Variants in FRMD7 observed in about 807,000 individuals in gnomAD.
FRMD7 encodes the protein FERM domain containing 7, also known as FERM domain-containing protein 7.
In FRMD7, 14 loss-of-function variants were observed where a neutral mutation model predicts 44.1. The ratio of observed to expected loss-of-function variants is 0.32; its 90% CI spans 0.21 to 0.50. The LOEUF (loss-of-function observed/expected upper bound fraction) is 0.50. Among genes scored for constraint, FRMD7 ranks in the 20% least tolerant of loss-of-function variants. FRMD7 has a pLI of 0.99. For synonymous variants in FRMD7, 212 were observed against 187.4 expected (o/e 1.13, Z -1.07); for missense variants, 501 against 522.3 (o/e 0.96, Z 0.40).
chrX:132,099,565 T>C, intron 2 of FRMD7, 55 bp from the exon 3 acceptor site: 1 of 872,790 alleles, frequency 1.1e-6, no homozygotes, highest in Non-Finnish European at 1.7e-6. Context: ...CAGAGCTTTT[T>C]TTTTTTCGGT....
At chrX:132,115,408 A>G (rs1304995634) in intron 1 of FRMD7, among the ~76,000 whole-genome samples, 1 of 112,878 alleles carries the variant, frequency 8.9e-6, no homozygotes, top group Non-Finnish European at 1.9e-5. Flanking sequence ...AGCCAAACCC[A>G]GGACATTTTT....
chrX:132,110,690 C>T (rs769308313), intron 1 of FRMD7, among the ~76,000 whole-genome samples: 34 of 112,358 alleles, frequency 3.0e-4, no homozygotes, highest in African/African-American at 1.1e-3. Context: ...ATTCTCCCCA[C>T]ACCAACCTAT....
At chrX:132,083,177 A>G (rs1463195185) in intron 8 of FRMD7, among the ~76,000 whole-genome samples, 2 of 111,373 alleles carry the variant, frequency 1.8e-5, no homozygotes, top group Non-Finnish European at 3.8e-5. Flanking sequence ...GTTGGTCTCA[A>G]ACTCCTGAAC....
intron 5 of FRMD7, among the ~76,000 whole-genome samples, chrX:132,092,286 T>C (rs1928201233): frequency 1.8e-5 from 2 of 111,403 alleles, no homozygotes; most frequent in African/African-American, 6.5e-5. Flanking sequence ...GACGAGAAGG[T>C]TGGAATGTGG....
chrX:132,111,771 T>C (rs1476814027), intron 1 of FRMD7, among the ~76,000 whole-genome samples: 1 of 112,073 alleles, frequency 8.9e-6, no homozygotes, highest in African/African-American at 3.2e-5. Flanking sequence ...TTGACACCAT[T>C]TAGTGCAATT....
chrX:132,108,072 A>C (rs1295790776), intron 1 of FRMD7, among the ~76,000 whole-genome samples: 1 of 111,928 alleles, frequency 8.9e-6, no homozygotes, highest in Non-Finnish European at 1.9e-5. Flanking sequence ...CTACCACTAG[A>C]AGAGTGATCG....
rs781519281 is a variant in FRMD7 at position 132,093,936 on chromosome X, C to G, written c.382+106G>C. The G allele has an allele frequency of 1.5e-4, 86 of 570,724 alleles. No homozygotes were observed. In the Admixed American group the frequency reaches 1.9e-3, roughly 13 times the overall value. The allele number at this position is 570,724 out of a possible 1,213,427, so 47.0% of individuals were successfully genotyped here. ...CTATCTTATCCAGGCTTTCTCTCCC[C>G]TGTAAACCCTAACACAGTGATGGGC... On this transcript the variant is annotated intron_variant, in intron 5 of 11. Transcript: ENST00000298542.
chrX:132,115,047 A>G (rs1928868735), intron 1 of FRMD7, among the ~76,000 whole-genome samples: 1 of 112,275 alleles, frequency 8.9e-6, no homozygotes, highest in African/African-American at 3.2e-5. Context: ...GTGATTCTCA[A>G]AGATTTGTTG....
At chrX:132,081,093 G>C (rs956139231) in intron 9 of FRMD7, among the ~76,000 whole-genome samples, 3 of 111,721 alleles carry the variant, frequency 2.7e-5, no homozygotes, top group Non-Finnish European at 5.6e-5. Flanking sequence ...CGAGCACTTT[G>C]GGAGGCCAAG....
At chrX:132,079,117 T>C (rs913547607) in intron 11 of FRMD7, 151 bp from the exon 12 acceptor site, 14 of 522,114 alleles carry the variant, frequency 2.7e-5, no homozygotes, top group South Asian at 1.9e-4. Flanking sequence ...GATAAATATA[T>C]AAAGAAAGGG....
rs781502273 is a variant in FRMD7 at position 132,078,302 on chromosome X, G to T, written c.1715C>A (p.Pro572Gln). Residue 572 changes from proline (P) to glutamine (Q), a missense_variant, in exon 12 of 12, where the codon CCA (proline) becomes CAA (glutamine). Coordinates refer to ENST00000298542, the MANE Select transcript of FRMD7 (RefSeq NM_194277.3). ...NINVGLEEEDPNLEDAFVCNI... is the reference protein window; with the variant it reads ...NINVGLEEEDQNLEDAFVCNI... The stretch of plus-strand genomic sequence containing the variant: ...ACATACAAATGCATCTTCCAAATTT[G>T]GGTCTTCCTCTTCTAGACCTACATT... The T allele has an allele frequency of 4.1e-6, 5 of 1,211,513 alleles. No individual in the cohort carries two copies. Among genetic ancestry groups the T allele is most frequent in the Non-Finnish European group, 5.6e-6 (5 of 895,159 alleles).
rs1248011845 is a variant in FRMD7, at chrX:132,094,269, G to A, written c.285-130C>T. 15 of 503,306 alleles carry A rather than the reference G, an allele frequency of 3.0e-5. No homozygotes were observed. In the Admixed American group the frequency reaches 4.1e-4, roughly 14 times the overall value. The allele number at this position is 503,306 out of a possible 1,213,427, so 41.5% of individuals were successfully genotyped here. On this transcript the variant is annotated intron_variant, in intron 4 of 11. Coordinates refer to ENST00000298542, the MANE Select transcript of FRMD7 (RefSeq NM_194277.3). ...CAGTCAGTCAGATGCCTTTTTGGGG[G>A]TGGTGAGTAATGCATAGGCTTTGCT...
At chrX:132,099,570 T>C in intron 2 of FRMD7, 60 bp from the exon 3 acceptor site, 1 of 831,464 alleles carries the variant, frequency 1.2e-6, no homozygotes, top group South Asian at 2.2e-5. Context: ...CTTTTTTTTT[T>C]TCGGTAATAG....
At position 132,085,742 on chromosome X, in the gene FRMD7, G is replaced by C; in HGVS notation, c.498-14C>G. 8.3e-7 allele frequency: 1 copy of C among 1,201,527 alleles called. No homozygotes were observed. Among genetic ancestry groups the C allele is most frequent in the Non-Finnish European group, 1.1e-6 (1 of 886,265 alleles). On this transcript the variant is annotated splice_polypyrimidine_tract_variant and intron_variant, in intron 6 of 11. Coordinates refer to ENST00000298542, the MANE Select transcript of FRMD7 (RefSeq NM_194277.3). ...GGGCTCCTGCCACTGAAAGGGGAAA[G>C]AATTTATGAGCCTAATAAATGCCTC...
intron 5 of FRMD7, among the ~76,000 whole-genome samples, chrX:132,089,238 A>T (rs1263964486): frequency 8.9e-6 from 1 of 112,126 alleles, no homozygotes; most frequent in African/African-American, 3.2e-5. Context: ...AGACAATTCA[A>T]TGAAGAAAAA....
intron 5 of FRMD7, among the ~76,000 whole-genome samples, chrX:132,092,819 A>C (rs778510681): frequency 1.6e-4 from 18 of 111,665 alleles, no homozygotes; most frequent in Non-Finnish European, 2.8e-4. Flanking sequence ...GCCAAAGTAC[A>C]ATACTGGACA....
At position 132,080,561 on chromosome X, in the gene FRMD7, C is replaced by T. The variant is rs148342301; in HGVS notation, c.906-295G>A. 6.1e-3 allele frequency among the ~76,000 whole-genome samples: 682 copies of T among 112,131 alleles called. 5 individuals are homozygous for T. The highest frequency in any genetic ancestry group is 0.021 in the African/African-American group (644 of 30,823). ...TGGGCATGGTGGCTCACACCTTAAT[C>T]CCAGCCCTTTGGGAGGCTGAGGCAG... On this transcript the variant is annotated intron_variant, in intron 9 of 11. Coordinates refer to ENST00000298542, the MANE Select transcript of FRMD7 (RefSeq NM_194277.3).
rs1927665699 is a variant in FRMD7 at position 132,078,048 on chromosome X, T to A, written c.1969A>T (p.Ile657Phe). The A allele has an allele frequency of 8.3e-7, 1 of 1,211,281 alleles. No individual in the cohort carries two copies. The highest frequency in any genetic ancestry group is 3.0e-5 in the East Asian group (1 of 33,814). Reference protein sequence around the residue: ...ASESSDSESEILKPDYYALYG... With the variant: ...ASESSDSESEFLKPDYYALYG... ...AAAGCATAGTAGTCTGGTTTAAGAA[T>A]CTCTGATTCAGAATCACTGGATTCA... Residue 657 changes from isoleucine (I) to phenylalanine (F), a missense_variant, in exon 12 of 12, where the codon ATT becomes TTT. This residue lies in a region of FRMD7 where 453 missense variants were observed against 452.7 expected (regional missense o/e 1.00). Coordinates refer to ENST00000298542, the MANE Select transcript of FRMD7 (RefSeq NM_194277.3).
At chrX:132,115,486 A>T (rs777255652) in intron 1 of FRMD7, among the ~76,000 whole-genome samples, 2 of 112,559 alleles carry the variant, frequency 1.8e-5, no homozygotes, top group African/African-American at 6.4e-5. Context: ...AAGAGAAAGC[A>T]TGGTTTAACT....
Sources: gnomAD v4.1 joint callset for allele counts (sites outside exome capture counted in the v4.1 genomes callset) on GRCh38, gnomAD v4.1.1 for gene constraint, gnomAD v4.1.1 regional missense constraint, MANE v1.5 for transcripts, NCBI Gene and HGNC (gene_info 2026-07-23, HGNC 2026-07-21) for gene names.